Variants in SKAP2 observed in about 807,000 individuals in gnomAD.
SKAP2 encodes src kinase-associated phosphoprotein 2.
Under a neutral mutation model 54.9 loss-of-function variants are expected in SKAP2, and 28 were observed. The observed-to-expected ratio is 0.51, with a 90% CI of 0.38 to 0.70. The LOEUF is 0.70. SKAP2 is among the 30% of genes least tolerant of loss of function. SKAP2 has a pLI of 0.00. For synonymous variants in SKAP2, 137 were observed against 134.3 expected (o/e 1.02, Z -0.14); for missense variants, 356 against 424.1 (o/e 0.84, Z 1.41).
At chr7:26,720,074 AC>A (rs1787546269) in intron 9 of SKAP2, among the ~76,000 whole-genome samples, 1 of 151,726 alleles carries the variant, frequency 6.6e-6, no homozygotes, top group Non-Finnish European at 1.5e-5. Context: ...ACACACACAC[AC>A]ACACACACAC....
At chr7:26,690,220 C>T in intron 10 of SKAP2, 65 bp downstream of exon 10, 1 of 1,173,598 alleles carries the variant, frequency 8.5e-7, no homozygotes, top group Non-Finnish European at 1.3e-6. Flanking sequence ...ACAGTAAGAA[C>T]ATGGATAAAA....
chr7:26,794,750 C>T (rs1158615522), intron 4 of SKAP2, among the ~76,000 whole-genome samples: 1 of 152,102 alleles, frequency 6.6e-6, no homozygotes, highest in Non-Finnish European at 1.5e-5. Context: ...ATATCTTGTC[C>T]AGCCCACCAC....
intron 4 of SKAP2, among the ~76,000 whole-genome samples, chr7:26,811,695 T>G (rs1229538961): frequency 6.6e-6 from 1 of 152,200 alleles, no homozygotes; most frequent in Non-Finnish European, 1.5e-5. Flanking sequence ...GAAAACTGTC[T>G]TTTGTTATGT....
At position 26,812,004 on chromosome 7, in the gene SKAP2, A is replaced by C. The variant is rs1359022294; in HGVS notation, c.307+32026T>G. ...TGGGAATTTATTTGCAGGCATGTTA[A>C]TTTTTAAACAATTTAAAACCACTCT... On this transcript the variant is annotated intron_variant, in intron 4 of 12. Transcript: ENST00000345317. 3.9e-5 allele frequency among the ~76,000 whole-genome samples: 6 copies of C among 152,336 alleles called. No homozygotes were observed. The East Asian group carries it at 1.2e-3, about 29-fold the overall frequency.
chr7:26,677,394 T>TAAAA (rs1322136047), intron 11 of SKAP2, among the ~76,000 whole-genome samples: 67 of 72,202 alleles, frequency 9.3e-4, no homozygotes, highest in Non-Finnish European at 1.0e-3. Context: ...TCTGTCTCAA[T>TAAAA]AAAAAAAAAA....
At chr7:26,693,473 G>A (rs928854825) in intron 9 of SKAP2, among the ~76,000 whole-genome samples, 2 of 151,806 alleles carry the variant, frequency 1.3e-5, no homozygotes, top group African/African-American at 4.8e-5. Context: ...AGAAGTATTT[G>A]TTACTATGAA....
At chr7:26,767,637 T>C (rs749333994) in intron 4 of SKAP2, among the ~76,000 whole-genome samples, 5 of 152,346 alleles carry the variant, frequency 3.3e-5, no homozygotes, top group Non-Finnish European at 5.9e-5. Flanking sequence ...TTTAGCTGTG[T>C]CCCAGAGATT....
At chr7:26,784,920 GTGGGAAGCTGATA>G in intron 4 of SKAP2, among the ~76,000 whole-genome samples, 1 of 152,140 alleles carries the variant, frequency 6.6e-6, no homozygotes, top group East Asian at 1.9e-4. Context: ...ATACAGAGGG[GTGGGAAGCTGATA>G]TGTGATAAAG....
intron 4 of SKAP2, chr7:26,746,690 A>G (rs2127964527): frequency 6.6e-6 from 1 of 150,880 alleles, no homozygotes; most frequent in Admixed American, 6.6e-5. Context: ...TTAAAACCTG[A>G]AAAAAATAGG....
chr7:26,712,818 C>T (rs1409545546), intron 9 of SKAP2, among the ~76,000 whole-genome samples: 2 of 152,134 alleles, frequency 1.3e-5, no homozygotes, highest in African/African-American at 4.8e-5. Context: ...TTGCTCTGAC[C>T]ATATGCACCT....
intron 4 of SKAP2, among the ~76,000 whole-genome samples, chr7:26,755,099 A>G (rs918216158): frequency 6.6e-6 from 1 of 152,226 alleles, no homozygotes; most frequent in Admixed American, 6.5e-5. Flanking sequence ...TCACTGAAAA[A>G]CAAAATTTAC....
At chr7:26,699,565 T>C (rs1786978293) in intron 9 of SKAP2, among the ~76,000 whole-genome samples, 1 of 152,160 alleles carries the variant, frequency 6.6e-6, no homozygotes, top group Non-Finnish European at 1.5e-5. Context: ...GATTTAACTA[T>C]TTACCAACCT....
At chr7:26,761,512 T>C (rs1584374659) in intron 4 of SKAP2, among the ~76,000 whole-genome samples, 1 of 152,212 alleles carries the variant, frequency 6.6e-6, no homozygotes, top group Non-Finnish European at 1.5e-5. Context: ...GAGAATTATA[T>C]ATATCACCAA....
At chr7:26,792,222 G>C (rs992683329) in intron 4 of SKAP2, among the ~76,000 whole-genome samples, 7 of 152,146 alleles carry the variant, frequency 4.6e-5, no homozygotes, top group African/African-American at 1.7e-4. Context: ...GGAGCACAAG[G>C]GAACTTTTTG....
intron 4 of SKAP2, among the ~76,000 whole-genome samples, chr7:26,818,551 A>G (rs1295847286): frequency 1.3e-5 from 2 of 152,234 alleles, no homozygotes; most frequent in African/African-American, 4.8e-5. Context: ...CACCAAAAGC[A>G]ATGGCAACAA....
At chr7:26,774,394 A>T (rs1232655765) in intron 4 of SKAP2, among the ~76,000 whole-genome samples, 2 of 152,060 alleles carry the variant, frequency 1.3e-5, no homozygotes, top group African/African-American at 2.4e-5. Flanking sequence ...ACACATACAC[A>T]CACCCCACAT....
intron 4 of SKAP2, among the ~76,000 whole-genome samples, chr7:26,740,966 A>G (rs933755995): frequency 6.8e-6 from 1 of 147,006 alleles, no homozygotes; most frequent in Non-Finnish European, 1.5e-5. Context: ...CCAGCCTGGG[A>G]AAAAAAAGAG....
At chr7:26,702,452 C>G (rs1244166586) in intron 9 of SKAP2, among the ~76,000 whole-genome samples, 1 of 152,026 alleles carries the variant, frequency 6.6e-6, no homozygotes, top group African/African-American at 2.4e-5. Flanking sequence ...CATGTTTGAA[C>G]CGTATCTCAA....
At position 26,738,889 on chromosome 7, in the gene SKAP2, G is replaced by A. The variant is rs752643363; in HGVS notation, c.386-11C>T. 1.9e-6 allele frequency: 3 copies of A among 1,551,328 alleles called. No individual in the cohort carries two copies. In the South Asian group the frequency reaches 3.3e-5, roughly 17 times the overall value. On this transcript the variant is annotated splice_polypyrimidine_tract_variant and intron_variant, in intron 5 of 12. Coordinates refer to ENST00000345317, the MANE Select transcript of SKAP2 (RefSeq NM_003930.5). ...CCAGAAAGCTGTGATCTGCAATAAA[G>A]AGGGGAAAATGTAAGGCCATTTCCT... is the stretch of plus-strand genomic sequence containing the variant.
Sources: gnomAD v4.1 joint callset for allele counts (sites outside exome capture counted in the v4.1 genomes callset) on GRCh38, gnomAD v4.1.1 for gene constraint, MANE v1.5 for transcripts, NCBI Gene and HGNC (gene_info 2026-07-23, HGNC 2026-07-21) for gene names.